Variants in NBPF4 observed in about 807,000 individuals in gnomAD.
The protein encoded by NBPF4 is NBPF family member NBPF4.
In NBPF4, 11 loss-of-function variants were observed where a neutral mutation model predicts 21.1. The observed-to-expected ratio is 0.52, with a 90% CI of 0.33 to 0.86. The LOEUF is 0.86. NBPF4 is among the 40% of genes least tolerant of loss of function. The pLI is 0.03. For synonymous variants in NBPF4, 47 were observed against 106.4 expected (o/e 0.44, Z 3.43); for missense variants, 88 against 265.3 (o/e 0.33, Z 4.64).
chr1:108,234,763 T>C, intron 9 of NBPF4, among the ~76,000 whole-genome samples: 1 of 58,592 alleles, frequency 1.7e-5, no homozygotes, highest in Non-Finnish European at 3.0e-5. Context: ...ATGTTAAATT[T>C]TATGTGTAGT....
the NBPF4 span, among the ~76,000 whole-genome samples, chr1:108,254,319 C>T: frequency 4.5e-4 from 4 of 8,912 alleles, no homozygotes; most frequent in African/African-American, 1.9e-3. Context: ...TCAGGTGATC[C>T]ACCCGCCTCG....
At chr1:108,256,570 C>CCCCTCCCCTCCCTCCCTCTCT in the NBPF4 span, among the ~76,000 whole-genome samples, 1 of 91,156 alleles carries the variant, frequency 1.1e-5, no homozygotes, top group Non-Finnish European at 2.1e-5. Flanking sequence ...TCCCTCTCCT[C>CCCCTCCCCTCCCTCCCTCTCT]CCCTCCCCTC....
chr1:108,256,289 C>CA, the NBPF4 span, among the ~76,000 whole-genome samples: 1 of 148,278 alleles, frequency 6.7e-6, no homozygotes, highest in Non-Finnish European at 1.5e-5. Flanking sequence ...TTTATTTTTT[C>CA]AAAAAATTAA....
chr1:108,252,756 G>A, the NBPF4 span, among the ~76,000 whole-genome samples: 1 of 124,480 alleles, frequency 8.0e-6, no homozygotes, highest in African/African-American at 3.4e-5. Context: ...GTTCAGCTCT[G>A]ATTTTGGTTT....
the NBPF4 span, among the ~76,000 whole-genome samples, chr1:108,264,101 T>G: frequency 6.2e-3 from 764 of 124,036 alleles, no homozygotes; most frequent in Non-Finnish European, 9.3e-3. Context: ...GCAAGTTGGA[T>G]ACAAAGACAA....
At position 108,241,518 on chromosome 1, in the gene NBPF4, CA is replaced by C. The variant is rs1444124570; in HGVS notation, c.279-355del. Among the ~76,000 whole-genome samples the C allele has an allele frequency of 5.7e-4, 83 of 145,650 alleles. 1 individual carries two copies. Among genetic ancestry groups the C allele is most frequent in the Non-Finnish European group, 2.3e-4 (15 of 66,100 alleles). ...TTAGTGTCTTCCTAAATCAGTTCCA[CA>C]AGGATGTCCTTTCAGTTCCTCACTT... On this transcript the variant is annotated intron_variant, in intron 3 of 14. Transcript: ENST00000415641.
At chr1:108,226,083 A>C (rs1649461421) in intron 14 of NBPF4, among the ~76,000 whole-genome samples, 1 of 133,718 alleles carries the variant, frequency 7.5e-6, no homozygotes, top group Non-Finnish European at 1.6e-5. Flanking sequence ...TCTGGGGCTA[A>C]AGACAAACCT....
Position 108,243,923 on chromosome 1 carries a change from G to C in NBPF4, c.-60C>G. The C allele has an allele frequency of 2.1e-6, 2 of 938,944 alleles. No homozygotes were observed. The highest frequency in any genetic ancestry group is 1.4e-6 in the Non-Finnish European group (1 of 725,756). 58.2% of individuals were successfully genotyped at this position (938,944 alleles called of 1,614,324 possible). A position where few individuals can be genotyped will look rare whatever the true frequency, so the allele number is the denominator to read the frequency against. On this transcript the variant is annotated 5_prime_UTR_variant, in exon 1 of 15. Transcript: ENST00000415641. ...CAGTTGAGAAAAAGTTGATGAACAC[G>C]ACACAACACTTTAGAGTCCTTAACC...
Position 108,222,744 on chromosome 1 carries a change from C to T in NBPF4, c.*961G>A, listed in dbSNP as rs530430330. ...ACTTAAATATAATAACTGACACAGA[C>T]GGGGTGATTAATTGGTGATAAAATG... On this transcript the variant is annotated 3_prime_UTR_variant, in exon 15 of 15. Transcript: ENST00000415641. Among the ~76,000 whole-genome samples, 6 of 152,202 alleles carry T rather than the reference C, an allele frequency of 3.9e-5. No individual in the cohort carries two copies. The highest frequency in any genetic ancestry group is 1.9e-4 in the East Asian group (1 of 5,186).
chr1:108,268,444 AAG>A, the NBPF4 span, among the ~76,000 whole-genome samples: 23 of 152,344 alleles, frequency 1.5e-4, no homozygotes, highest in Non-Finnish European at 2.5e-4. Flanking sequence ...AAAAAACAAA[AAG>A]ACGCATATAG....
At chr1:108,253,942 C>T in the NBPF4 span, among the ~76,000 whole-genome samples, 1 of 28,432 alleles carries the variant, frequency 3.5e-5, no homozygotes, top group Non-Finnish European at 5.9e-5. Context: ...TCTATGAGTT[C>T]CTTATATTTT....
the NBPF4 span, among the ~76,000 whole-genome samples, chr1:108,258,506 G>A: frequency 1.4e-5 from 2 of 140,266 alleles, no homozygotes; most frequent in East Asian, 3.9e-4. Context: ...TTTTCAGACT[G>A]AAGTTACATT....
At chr1:108,259,623 A>G in the NBPF4 span, among the ~76,000 whole-genome samples, 2 of 144,528 alleles carry the variant, frequency 1.4e-5, no homozygotes, top group Non-Finnish European at 1.5e-5. Context: ...TTGTGATTCC[A>G]GCACTTTGGG....
chr1:108,244,943 TATATACAC>T (rs1444877638), upstream of NBPF4, among the ~76,000 whole-genome samples: 72 of 37,442 alleles, frequency 1.9e-3, 15 homozygotes, highest in African/African-American at 6.1e-3. Context: ...TATATATATA[TATATACAC>T]ACACATATAG....
Position 108,222,559 on chromosome 1 carries a change from A to C in NBPF4, c.*1146T>G, listed in dbSNP as rs1649334512. On this transcript the variant is annotated 3_prime_UTR_variant, in exon 15 of 15. Coordinates refer to ENST00000415641, the MANE Select transcript of NBPF4 (RefSeq NM_001143989.3). ...TTTGGATGAAAGTTATAATTGGGGCAGAGAATATTCTTTTTCACAACAGAA... is the reference window on the plus strand; with the variant it reads ...TTTGGATGAAAGTTATAATTGGGGCCGAGAATATTCTTTTTCACAACAGAA... 1.3e-5 allele frequency among the ~76,000 whole-genome samples: 2 copies of C among 152,228 alleles called. No individual in the cohort carries two copies. The highest frequency in any genetic ancestry group is 1.3e-4 in the Admixed American group (2 of 15,286).
chr1:108,268,341 C>T, the NBPF4 span, among the ~76,000 whole-genome samples: 1 of 149,908 alleles, frequency 6.7e-6, no homozygotes, highest in Non-Finnish European at 1.5e-5. Context: ...AATCAATGGG[C>T]AAAGTAAGTT....
rs1470113689 is a variant in NBPF4 at position 108,223,343 on chromosome 1, G to A, written c.*362C>T. ...ATGAAACTCAGGCTAAGCGTTTTCA[G>A]CAAGAACATGGCATTGCTCATACTC... On this transcript the variant is annotated 3_prime_UTR_variant, in exon 15 of 15. Transcript: ENST00000415641. 2 of 212,330 alleles carry A rather than the reference G, an allele frequency of 9.4e-6. No individual in the cohort carries two copies. Among genetic ancestry groups the A allele is most frequent in the Non-Finnish European group, 1.9e-5 (2 of 105,384 alleles). The allele number at this position is 212,330 out of a possible 1,614,324, so 13.2% of individuals were successfully genotyped here.
chr1:108,257,762 CTTTTTTTTT>C, the NBPF4 span, among the ~76,000 whole-genome samples: 12 of 54,776 alleles, frequency 2.2e-4, no homozygotes, highest in African/African-American at 8.6e-4. Context: ...CTTTTCTTTT[CTTTTTTTTT>C]TTTTTTTTTT....
chr1:108,264,429 C>A, the NBPF4 span, among the ~76,000 whole-genome samples: 1 of 107,352 alleles, frequency 9.3e-6, no homozygotes, highest in Non-Finnish European at 1.8e-5. Context: ...TAGACCCCCA[C>A]ACAATAATAG....
Sources: gnomAD v4.1 joint callset for allele counts (sites outside exome capture counted in the v4.1 genomes callset) on GRCh38, gnomAD v4.1.1 for gene constraint, MANE v1.5 for transcripts, NCBI Gene and HGNC (gene_info 2026-07-23, HGNC 2026-07-21) for gene names.